Variants in MYO1A observed in about 807,000 individuals in gnomAD.
The protein encoded by MYO1A is myosin IA.
A neutral mutation model predicts 138.5 loss-of-function variants in MYO1A; 127 were observed. The ratio of observed to expected loss-of-function variants is 0.92; its 90% CI spans 0.79 to 1.06. The LOEUF (loss-of-function observed/expected upper bound fraction) is 1.06, where lower values mean the gene tolerates loss of function less well. Ranked by LOEUF, MYO1A falls within the 50% of genes least tolerant of loss-of-function variation. The pLI is 0.00. For synonymous variants in MYO1A, 477 were observed against 497.5 expected, an observed-to-expected ratio of 0.96 and a Z score of 0.55; for missense variants, 1,211 against 1,288.8, an observed-to-expected ratio of 0.94 and a Z score of 0.92.
At chr12:57,047,436 C>A (rs1387878210) in intron 4 of MYO1A, 29 bp from the exon 5 acceptor site, 2 of 1,602,642 alleles carry the variant, frequency 1.2e-6, no homozygotes, top group Non-Finnish European at 1.7e-6. Context: ...CTCATGGGTC[C>A]CCACCCAGGA....
At position 57,038,549 on chromosome 12, in the gene MYO1A, G is replaced by A. The variant is rs1158878674; in HGVS notation, c.1623C>T (p.Pro541=). 1.9e-6 allele frequency: 3 copies of A among 1,614,200 alleles called. No homozygotes were observed. The highest frequency in any genetic ancestry group is 2.2e-5 in the South Asian group (2 of 91,080). The part of the protein sequence containing the change: ...LLQAMWKAQH[P]LLRSLFPEGN... ...CCTCAGGAAACAAGGACCGAAGGAGGGGGTGCTGGGCCTTCCACATGGCCT... is the reference window on the plus strand; with the variant it reads ...CCTCAGGAAACAAGGACCGAAGGAGAGGGTGCTGGGCCTTCCACATGGCCT... The change falls in exon 17 of 28, where the codon CCC becomes CCT. Residue 541 remains proline, a synonymous_variant. Transcript: ENST00000300119.
Position 57,047,377 on chromosome 12 carries a change from G to T in MYO1A, c.356C>A (p.Ala119Asp), listed in dbSNP as rs747114360. Residue 119 changes from alanine to aspartate, a missense_variant, in exon 5 of 28, where the codon GCT (alanine) becomes GAT (aspartate). By Grantham distance (126) the Ala-to-Asp change is moderately radical (BLOSUM62 -2). Coordinates refer to ENST00000300119, the MANE Select transcript of MYO1A (RefSeq NM_005379.4). ...CTGCTCTCCTTTCCCACAGACGGCA[G>T]CCACATAAGACATCACCAGCTTGCT... The part of the protein sequence containing the change: ...EASKLVMSYV[A>D]AVCGKGEQVN... 1 of 1,614,020 alleles carries T rather than the reference G, an allele frequency of 6.2e-7. No homozygotes were observed.
Position 57,040,700 on chromosome 12 carries a change from T to C in MYO1A, c.1269+484A>G, listed in dbSNP as rs946495523. 1.1e-4 allele frequency among the ~76,000 whole-genome samples: 17 copies of C among 152,276 alleles called. 1 individual carries two copies. In the East Asian group the frequency reaches 3.3e-3, roughly 29 times the overall value. ...CATTCACACTTTGAAGGTAATGAGC[T>C]CAATCAGAGAGCTTTTCTAACACTT... On this transcript the variant is annotated intron_variant, in intron 14 of 27. Coordinates refer to ENST00000300119, the MANE Select transcript of MYO1A (RefSeq NM_005379.4).
intron 1 of MYO1A, among the ~76,000 whole-genome samples, chr12:57,048,978 G>A (rs144737732): frequency 1.3e-5 from 2 of 152,326 alleles, no homozygotes; most frequent in East Asian, 3.9e-4. Flanking sequence ...ATAAGAGATT[G>A]GAATTTCCCA....
At chr12:57,035,305 G>C (rs1008110) in intron 22 of MYO1A, among the ~76,000 whole-genome samples, 4,802 of 152,298 alleles carry the variant, frequency 0.032, 95 homozygotes, top group Middle Eastern at 0.078. Flanking sequence ...AGCACAAGAG[G>C]TGATCAGGCA....
chr12:57,050,546 A>T (rs1034043673), upstream of MYO1A, among the ~76,000 whole-genome samples: 4 of 152,116 alleles, frequency 2.6e-5, no homozygotes, highest in Non-Finnish European at 5.9e-5. Context: ...TAGCAAAAAA[A>T]CAGTACCTCC....
At chr12:57,049,639 A>G (rs1197288121) in intron 1 of MYO1A, among the ~76,000 whole-genome samples, 2 of 152,190 alleles carry the variant, frequency 1.3e-5, no homozygotes, top group Admixed American at 6.5e-5. Context: ...TGCTTACAAT[A>G]TCCCCATGAA....
chr12:57,039,474 C>T (rs1447849329), intron 14 of MYO1A, 200 bp from the exon 15 acceptor site: 13 of 609,354 alleles, frequency 2.1e-5, no homozygotes, highest in South Asian at 1.2e-4. Flanking sequence ...GACAGACACA[C>T]GGAAGGAATT....
At chr12:57,035,890 C>T (rs957846439) in intron 22 of MYO1A, among the ~76,000 whole-genome samples, 2 of 152,198 alleles carry the variant, frequency 1.3e-5, no homozygotes, top group South Asian at 2.1e-4. Flanking sequence ...AGATACAATT[C>T]GCCTACTCTC....
Position 57,038,047 on chromosome 12 carries a change from G to A in MYO1A, c.1783C>T (p.Gln595Ter). ...TCTGAAGAGAACTGACCTCGCTGCT[G>A]ATGCTCATTGGGCTTTATGCACCTG... is the stretch of plus-strand genomic sequence containing the variant. ...YIRCIKPNEH[Q>*]QRGQFSSDLV... Residue 595 changes from glutamine (Q) to a stop codon, truncating the protein, a stop_gained, in exon 18 of 28, where the codon CAG (glutamine) becomes TAG (stop). Coordinates refer to ENST00000300119, the MANE Select transcript of MYO1A (RefSeq NM_005379.4). LOFTEE classifies it high-confidence loss of function. The A allele has an allele frequency of 6.2e-7, 1 of 1,614,058 alleles. No individual in the cohort carries two copies. Among genetic ancestry groups the A allele is most frequent in the East Asian group, 2.2e-5 (1 of 44,888 alleles).
In MYO1A at chr12:57,037,050, C is replaced by T. The variant is rs1471657622; in HGVS notation, c.2097G>A (p.Gln699=). The T allele has an allele frequency of 5.0e-6, 8 of 1,614,154 alleles. No homozygotes were observed. In the East Asian group the frequency reaches 6.7e-5, roughly 13 times the overall value. The change falls in exon 20 of 28, where the codon CAG becomes CAA. Residue 699 remains glutamine, a synonymous_variant. Coordinates refer to ENST00000300119, the MANE Select transcript of MYO1A (RefSeq NM_005379.4). ...AAATCTTCTGTATGAGTGTGGCCAG[C>T]TGCTGGAGTCTCAGGCGCCTCTGTT... ...LEEQRRLRLQ[Q]LATLIQKIYR... is the part of the protein sequence containing the mutation.
intron 14 of MYO1A, 148 bp from the exon 15 acceptor site, chr12:57,039,422 C>A: frequency 1.4e-6 from 1 of 703,396 alleles, no homozygotes; most frequent in Non-Finnish European, 2.6e-6. Context: ...CTATTTATGT[C>A]CCCATCCCTC....
At chr12:57,048,808 T>C (rs568214606) in intron 1 of MYO1A, among the ~76,000 whole-genome samples, 2 of 152,276 alleles carry the variant, frequency 1.3e-5, no homozygotes, top group East Asian at 3.9e-4. Context: ...CTCAACACCT[T>C]ACCTCTCACA....
At chr12:57,033,377 A>G (rs1738660235) in intron 22 of MYO1A, among the ~76,000 whole-genome samples, 3 of 152,132 alleles carry the variant, frequency 2.0e-5, no homozygotes, top group Non-Finnish European at 4.4e-5. Context: ...TTTTTGAGAC[A>G]GGGTTTTGCT....
At chr12:57,037,692 C>G in intron 18 of MYO1A, 51 bp from the exon 19 acceptor site, 1 of 1,556,348 alleles carries the variant, frequency 6.4e-7, no homozygotes, top group Non-Finnish European at 8.9e-7. Flanking sequence ...AGGAGAAAGT[C>G]CTCTTCCACC....
At position 57,028,791 on chromosome 12, in the gene MYO1A, T is replaced by A. The variant is rs148841648; in HGVS notation, c.3096A>T (p.Lys1032Asn). The A allele has an allele frequency of 6.2e-7, 1 of 1,614,110 alleles. No individual in the cohort carries two copies. Among genetic ancestry groups the A allele is most frequent in the Non-Finnish European group, 8.5e-7 (1 of 1,180,002 alleles). ...TCACCTCCAAGCAATGACTCCCCTT[T>A]TTTTTGTAGCGTAGCTTGCTGTTGT... ...GGDNSKLRYKKKGSHCLEVTV... is the reference protein window; with the variant it reads ...GGDNSKLRYKNKGSHCLEVTV... Residue 1032 changes from lysine (K) to asparagine (N), a missense_variant, in exon 28 of 28, where the codon AAA (lysine) becomes AAT (asparagine). Physicochemically the swap from Lys to Asn is moderately conservative, Grantham distance 94. Coordinates refer to ENST00000300119, the MANE Select transcript of MYO1A (RefSeq NM_005379.4).
Position 57,038,453 on chromosome 12 carries a change from G to A in MYO1A, c.1719C>T (p.Ile573=). 6.2e-7 allele frequency: 1 copy of A among 1,614,096 alleles called. No individual in the cohort carries two copies. The highest frequency in any genetic ancestry group is 2.2e-5 in the East Asian group (1 of 44,896). Residue 573 remains isoleucine, a synonymous_variant, in exon 17 of 28, where the codon ATC becomes ATT. Coordinates refer to ENST00000300119, the MANE Select transcript of MYO1A (RefSeq NM_005379.4). ...AGAQFKSSVA[I]LMKNLYSKSP... is the part of the protein sequence containing the mutation. ...TCTTGGAATACAGATTCTTCATGAG[G>A]ATGGCCACAGAACTCTTGAACTGGG...
intron 22 of MYO1A, among the ~76,000 whole-genome samples, chr12:57,031,857 T>G (rs1054984447): frequency 3.9e-5 from 6 of 152,210 alleles, no homozygotes; most frequent in Non-Finnish European, 8.8e-5. Flanking sequence ...CCAGCCTCTG[T>G]CCAAGATCCC....
chr12:57,051,025 G>A (rs1177684821), upstream of MYO1A: 1 of 152,200 alleles, frequency 6.6e-6, no homozygotes. Context: ...CCCTCTGATA[G>A]ATAAGAAGTA....
Sources: allele counts gnomAD v4.1 joint callset (sites outside exome capture counted in the v4.1 genomes callset), GRCh38; gene constraint gnomAD v4.1.1; transcripts MANE v1.5; gene names NCBI Gene and HGNC (gene_info 2026-07-23, HGNC 2026-07-21).